NR6A1: variants seen among roughly 807,000 people sequenced by gnomAD.
NR6A1 encodes the protein nuclear receptor subfamily 6 group A member 1.
Under a neutral mutation model 59.1 loss-of-function variants are expected in NR6A1, and 7 were observed. The observed-to-expected ratio is 0.12, with a 90% CI of 0.07 to 0.22. The LOEUF is 0.22. Ranked by LOEUF, NR6A1 falls within the 10% of genes least tolerant of loss-of-function variation. The pLI, the probability that NR6A1 is intolerant of heterozygous loss-of-function variation, is 1.00. For synonymous variants in NR6A1, 243 were observed against 236.1 expected (o/e 1.03, Z -0.27); for missense variants, 468 against 611.6 (o/e 0.77, Z 2.48).
chr9:124,520,208 T>A lies in NR6A1; in HGVS notation c.*2497A>T, dbSNP rs1355771614. On this transcript the variant is annotated 3_prime_UTR_variant, in exon 10 of 10. Coordinates refer to ENST00000487099, the MANE Select transcript of NR6A1 (RefSeq NM_033334.4). ...CTACCTTCTCCTCATAATACCTGAG[T>A]TTGCAATGCAACACATTCACTTTAC... 6.6e-6 allele frequency: 1 copy of A among 152,048 alleles called. No individual in the cohort carries two copies. The highest frequency in any genetic ancestry group is 2.4e-5 in the African/African-American group (1 of 41,382). The allele number at this position is 152,048 out of a possible 1,614,324, so 9.4% of individuals were successfully genotyped here. A position where few individuals can be genotyped will look rare whatever the true frequency, so the allele number is the denominator to read the frequency against.
chr9:124,645,864 C>T (rs1836915841), intron 2 of NR6A1, among the ~76,000 whole-genome samples: 2 of 152,198 alleles, frequency 1.3e-5, no homozygotes, highest in South Asian at 4.1e-4. Flanking sequence ...AAACAGACCA[C>T]ATTCTGGCCC....
chr9:124,652,911 C>T (rs1564219708), intron 2 of NR6A1, among the ~76,000 whole-genome samples: 1 of 152,170 alleles, frequency 6.6e-6, no homozygotes, highest in Non-Finnish European at 1.5e-5. Context: ...CAGAGAGGGA[C>T]CAACAACTCC....
At chr9:124,573,478 C>T (rs150929325) in intron 2 of NR6A1, among the ~76,000 whole-genome samples, 3 of 152,306 alleles carry the variant, frequency 2.0e-5, no homozygotes, top group Admixed American at 6.5e-5. Context: ...TCTGAGGCCC[C>T]ATGGGACAAT....
At chr9:124,523,387 C>T (rs975089222) in intron 9 of NR6A1, among the ~76,000 whole-genome samples, 4 of 152,290 alleles carry the variant, frequency 2.6e-5, no homozygotes, top group South Asian at 4.1e-4. Flanking sequence ...TTTATAAATA[C>T]CTAAGGCTGT....
intron 2 of NR6A1, chr9:124,692,586 A>C (rs1443942176): frequency 2.2e-6 from 1 of 444,952 alleles, no homozygotes; most frequent in Non-Finnish European, 4.9e-6. Context: ...CAAAAGAGCA[A>C]GCTGTACCTT....
chr9:124,591,629 C>T (rs138370599), intron 2 of NR6A1, among the ~76,000 whole-genome samples: 2 of 152,266 alleles, frequency 1.3e-5, no homozygotes, highest in East Asian at 3.9e-4. Flanking sequence ...GCTCACCAGC[C>T]GGTTGACTCC....
At chr9:124,593,978 T>A (rs1377291370) in intron 2 of NR6A1, among the ~76,000 whole-genome samples, 2 of 152,188 alleles carry the variant, frequency 1.3e-5, no homozygotes, top group Non-Finnish European at 2.9e-5. Context: ...AGTGAAAGCT[T>A]GAATAGAGTT....
chr9:124,735,498 C>G (rs1278563688), intron 1 of NR6A1, among the ~76,000 whole-genome samples: 2 of 152,144 alleles, frequency 1.3e-5, no homozygotes, highest in Admixed American at 1.3e-4. Context: ...AACACACAAC[C>G]CTGCCTCTAG....
At chr9:124,633,504 TA>T (rs958097015) in intron 2 of NR6A1, among the ~76,000 whole-genome samples, 1 of 151,438 alleles carries the variant, frequency 6.6e-6, no homozygotes, top group Non-Finnish European at 1.5e-5. Context: ...TTCTGCAGGC[TA>T]AAACATAGAC....
intron 2 of NR6A1, among the ~76,000 whole-genome samples, chr9:124,576,551 T>G (rs1366499919): frequency 6.6e-6 from 1 of 152,062 alleles, no homozygotes; most frequent in Non-Finnish European, 1.5e-5. Flanking sequence ...CCTCCCAAAG[T>G]GCTGGGATTA....
chr9:124,537,521 A>C (rs1312726267), intron 6 of NR6A1, among the ~76,000 whole-genome samples: 1 of 152,194 alleles, frequency 6.6e-6, no homozygotes, highest in Non-Finnish European at 1.5e-5. Context: ...GATAACACTC[A>C]AATCGTTTAT....
intron 9 of NR6A1, among the ~76,000 whole-genome samples, chr9:124,523,069 C>T (rs865867815): frequency 6.6e-6 from 1 of 152,126 alleles, no homozygotes; most frequent in Non-Finnish European, 1.5e-5. Flanking sequence ...TGCATTACCT[C>T]GTTGAATTCT....
At chr9:124,713,487 T>C (rs1423445756) in intron 2 of NR6A1, among the ~76,000 whole-genome samples, 1 of 152,058 alleles carries the variant, frequency 6.6e-6, no homozygotes, top group African/African-American at 2.4e-5. Flanking sequence ...TATTTGCAAA[T>C]CATGTATCTG....
At chr9:124,651,261 G>A (rs1013029019) in intron 2 of NR6A1, among the ~76,000 whole-genome samples, 3 of 151,980 alleles carry the variant, frequency 2.0e-5, no homozygotes, top group South Asian at 2.1e-4. Context: ...GTTTTGCCAC[G>A]TCGCCCAGGC....
intron 2 of NR6A1, among the ~76,000 whole-genome samples, chr9:124,581,091 A>T (rs1480528126): frequency 6.6e-6 from 1 of 152,156 alleles, no homozygotes; most frequent in African/African-American, 2.4e-5. Context: ...CCTTCCTTAT[A>T]CCATATACAA....
chr9:124,553,513 G>C (rs1833836250), intron 3 of NR6A1, among the ~76,000 whole-genome samples: 1 of 147,078 alleles, frequency 6.8e-6, no homozygotes. Flanking sequence ...CTTTTCAGAG[G>C]GTCCTATAGA....
At chr9:124,534,882 G>C (rs1472657675) in intron 7 of NR6A1, among the ~76,000 whole-genome samples, 1 of 152,198 alleles carries the variant, frequency 6.6e-6, no homozygotes, top group Non-Finnish European at 1.5e-5. Flanking sequence ...TGTAATCCCA[G>C]CACTTTGGAA....
At chr9:124,547,401 A>G (rs1210012880) in intron 3 of NR6A1, among the ~76,000 whole-genome samples, 1 of 152,166 alleles carries the variant, frequency 6.6e-6, no homozygotes, top group Non-Finnish European at 1.5e-5. Context: ...GGGACCCCTC[A>G]TCCTCATCTC....
chr9:124,673,013 G>A (rs1157994271), intron 2 of NR6A1, among the ~76,000 whole-genome samples: 2 of 152,270 alleles, frequency 1.3e-5, no homozygotes, highest in East Asian at 3.9e-4. Context: ...TGAGTGACAT[G>A]TAAGATTCAA....
Sources: gnomAD v4.1 joint callset for allele counts (sites outside exome capture counted in the v4.1 genomes callset) on GRCh38, gnomAD v4.1.1 for gene constraint, MANE v1.5 for transcripts, NCBI Gene and HGNC (gene_info 2026-07-23, HGNC 2026-07-21) for gene names.